Variants in SEMA6D observed in about 807,000 individuals in gnomAD.
The protein encoded by SEMA6D is semaphorin-6D.
A neutral mutation model predicts 106.6 loss-of-function variants in SEMA6D; 35 were observed. The observed-to-expected ratio is 0.33, with a 90% CI of 0.25 to 0.44. SEMA6D has a LOEUF of 0.44. Among genes scored for constraint, SEMA6D ranks in the 20% least tolerant of loss-of-function variants. The pLI, the probability that SEMA6D is intolerant of heterozygous loss-of-function variation, is 1.00. For synonymous variants in SEMA6D, 499 were observed against 487.7 expected (o/e 1.02, Z -0.31); for missense variants, 1,185 against 1,345.9 (o/e 0.88, Z 1.87).
At chr15:47,665,173 G>A (rs2078001333) in intron 4 of SEMA6D, among the ~76,000 whole-genome samples, 1 of 152,188 alleles carries the variant, frequency 6.6e-6, no homozygotes, top group Admixed American at 6.5e-5. Flanking sequence ...GTCATAGTAG[G>A]AATGATTCTT....
chr15:47,307,587 C>G (rs188380091), intron 1 of SEMA6D, among the ~76,000 whole-genome samples: 2 of 152,038 alleles, frequency 1.3e-5, no homozygotes, highest in African/African-American at 4.8e-5. Flanking sequence ...ATCTCATTAC[C>G]TTTGGTAATG....
chr15:47,600,154 G>C (rs2076618689), intron 3 of SEMA6D, among the ~76,000 whole-genome samples: 1 of 152,090 alleles, frequency 6.6e-6, no homozygotes, highest in African/African-American at 2.4e-5. Flanking sequence ...AACAAACTGA[G>C]AACCAGGCGT....
rs562468584 is a variant in SEMA6D at position 47,725,739 on chromosome 15, G to T, written c.-55+8047G>T. Among the ~76,000 whole-genome samples, 4 of 152,312 alleles carry T rather than the reference G, an allele frequency of 2.6e-5. No homozygotes were observed. In the East Asian group the frequency reaches 5.8e-4, roughly 22 times the overall value. On this transcript the variant is annotated intron_variant, in intron 1 of 18. Transcript: ENST00000536845. ...AGACCAGAAGTTCTGTGTAGTATAA[G>T]TATGCTTATTAAAACACATAATAAA... is the stretch of plus-strand genomic sequence containing the variant.
chr15:47,407,775 A>G (rs1457404957), intron 1 of SEMA6D, among the ~76,000 whole-genome samples: 2 of 152,174 alleles, frequency 1.3e-5, no homozygotes, highest in Non-Finnish European at 2.9e-5. Flanking sequence ...CTTTTCTGAG[A>G]CTTAAAGATT....
intron 1 of SEMA6D, among the ~76,000 whole-genome samples, chr15:47,411,784 G>A (rs369768279): frequency 5.3e-5 from 8 of 151,982 alleles, no homozygotes; most frequent in Admixed American, 3.9e-4. Context: ...GGCCACTTCC[G>A]GGTTCAGATC....
chr15:47,761,397 C>G lies in SEMA6D; in HGVS notation c.413C>G (p.Thr138Ser). The G allele has an allele frequency of 2.5e-6, 4 of 1,613,216 alleles. No individual in the cohort carries two copies. The highest frequency in any genetic ancestry group is 3.4e-6 in the Non-Finnish European group (4 of 1,179,578). The part of the protein sequence containing the change: ...RNDEMVFVCG[T>S]NAFNPMCRYY... ...GATGAGATGGTTTTTGTTTGTGGTA[C>G]CAATGCATTCAATCCCATGTGTAGA... The change falls in exon 6 of 19, where the codon ACC (threonine) becomes AGC (serine). Residue 138 changes from threonine to serine, a missense_variant. Coordinates refer to ENST00000536845, the MANE Select transcript of SEMA6D (RefSeq NM_001358351.3).
At chr15:47,314,998 T>G (rs1158671299) in intron 1 of SEMA6D, among the ~76,000 whole-genome samples, 2 of 150,750 alleles carry the variant, frequency 1.3e-5, no homozygotes, top group Non-Finnish European at 3.0e-5. Flanking sequence ...CCCGAGTAGC[T>G]GGGACTACAG....
intron 2 of SEMA6D, among the ~76,000 whole-genome samples, chr15:47,463,170 G>T (rs912225243): frequency 1.3e-5 from 2 of 152,020 alleles, no homozygotes; most frequent in Non-Finnish European, 2.9e-5. Context: ...TTTCATTTTG[G>T]TGCAATATTT....
chr15:47,427,839 A>C (rs1054808563), intron 2 of SEMA6D, among the ~76,000 whole-genome samples: 1 of 152,090 alleles, frequency 6.6e-6, no homozygotes, highest in African/African-American at 2.4e-5. Context: ...AGAAATTCTT[A>C]TTTATCCTAT....
intron 3 of SEMA6D, among the ~76,000 whole-genome samples, chr15:47,580,644 T>G (rs1463759083): frequency 3.3e-5 from 5 of 152,212 alleles, no homozygotes; most frequent in Non-Finnish European, 7.3e-5. Flanking sequence ...ATTCATTTAT[T>G]CAACAATTAT....
intron 4 of SEMA6D, among the ~76,000 whole-genome samples, chr15:47,606,855 A>C (rs1448963881): frequency 6.6e-6 from 1 of 152,182 alleles, no homozygotes; most frequent in Non-Finnish European, 1.5e-5. Context: ...AAGGCCTGAA[A>C]ATGGGCTATG....
rs2033278299 is a variant in SEMA6D at position 47,247,625 on chromosome 15, TA to T, written c.-239+63208del. Among the ~76,000 whole-genome samples, 10 of 152,160 alleles carry T rather than the reference TA, an allele frequency of 6.6e-5. No individual in the cohort carries two copies. In the South Asian group the frequency reaches 2.1e-3, roughly 32 times the overall value. On this transcript the variant is annotated intron_variant, in intron 1 of 19. Transcript: ENST00000558014. ...ACATACTCCTATTTGTTTTCTTATC[TA>T]TCTATCTGTCTTCTATAAATCCATG...
intron 1 of SEMA6D, among the ~76,000 whole-genome samples, chr15:47,365,890 G>GAGAGGA (rs1346586280): frequency 8.4e-6 from 1 of 119,746 alleles, no homozygotes; most frequent in Non-Finnish European, 1.6e-5. Flanking sequence ...GAGAGAGAGA[G>GAGAGGA]GAGAGAGAGA....
intron 1 of SEMA6D, among the ~76,000 whole-genome samples, chr15:47,237,444 ATTG>A (rs35874910): frequency 0.44 from 66,099 of 151,708 alleles, 16,461 homozygotes; most frequent in Non-Finnish European, 0.56. Context: ...TTTTTCACTT[ATTG>A]TTCTCTCAAA....
At chr15:47,236,747 G>A (rs1890829595) in intron 1 of SEMA6D, among the ~76,000 whole-genome samples, 1 of 152,136 alleles carries the variant, frequency 6.6e-6, no homozygotes, top group Admixed American at 6.6e-5. Context: ...AAAAAGCTGA[G>A]GAATTATTTG....
intron 4 of SEMA6D, among the ~76,000 whole-genome samples, chr15:47,663,709 C>A (rs146422869): frequency 2.0e-5 from 3 of 152,200 alleles, no homozygotes; most frequent in Non-Finnish European, 4.4e-5. Flanking sequence ...GAATGTAATT[C>A]GAAAACAGAG....
At chr15:47,538,986 A>C (rs746530904) in intron 3 of SEMA6D, among the ~76,000 whole-genome samples, 14 of 152,314 alleles carry the variant, frequency 9.2e-5, no homozygotes, top group Non-Finnish European at 1.8e-4. Context: ...AGGAAAAGGC[A>C]CATTAAGCTA....
intron 3 of SEMA6D, among the ~76,000 whole-genome samples, chr15:47,573,791 A>G (rs1192338865): frequency 6.6e-6 from 1 of 152,344 alleles, no homozygotes; most frequent in South Asian, 2.1e-4. Flanking sequence ...TGCCTCTTCA[A>G]CTTTATTTTT....
intron 2 of SEMA6D, among the ~76,000 whole-genome samples, chr15:47,448,138 G>T (rs1235327944): frequency 6.6e-6 from 1 of 152,048 alleles, no homozygotes; most frequent in African/African-American, 2.4e-5. Flanking sequence ...GCTTGCTGCT[G>T]TTCATTGTGT....
Sources: allele counts gnomAD v4.1 joint callset (sites outside exome capture counted in the v4.1 genomes callset), GRCh38; gene constraint gnomAD v4.1.1; transcripts MANE v1.5; gene names NCBI Gene and HGNC (gene_info 2026-07-23, HGNC 2026-07-21).